The following NTAQ1 variants were observed in gnomAD, a reference collection of about 807,000 sequenced individuals.
The protein encoded by NTAQ1 is protein N-terminal glutamine amidohydrolase.
A neutral mutation model predicts 28.2 loss-of-function variants in NTAQ1; 21 were observed. The observed-to-expected ratio is 0.74, with a 90% CI of 0.53 to 1.07. The LOEUF (loss-of-function observed/expected upper bound fraction) is 1.07, where lower values mean the gene tolerates loss of function less well. Ranked by LOEUF, NTAQ1 falls within the 50% of genes least tolerant of loss-of-function variation. NTAQ1 has a pLI of 0.00. For synonymous variants in NTAQ1, 105 were observed against 90.0 expected (o/e 1.17, Z -0.94); for missense variants, 264 against 256.6 (o/e 1.03, Z -0.20).
intron 3 of NTAQ1, among the ~76,000 whole-genome samples, chr8:123,432,591 T>A (rs1184159456): frequency 2.7e-5 from 4 of 150,642 alleles, no homozygotes; most frequent in Non-Finnish European, 5.9e-5. Flanking sequence ...GCCGAGATCA[T>A]ACCACTGTAC....
intron 3 of NTAQ1, among the ~76,000 whole-genome samples, chr8:123,434,482 C>T (rs1814582838): frequency 6.6e-6 from 1 of 152,008 alleles, no homozygotes; most frequent in South Asian, 2.1e-4. Context: ...CAAAAATTAG[C>T]TGGGTGTGGT....
At chr8:123,449,783 C>T (rs991845306), downstream of NTAQ1, among the ~76,000 whole-genome samples, 27 of 148,934 alleles carry the variant, frequency 1.8e-4, no homozygotes, top group African/African-American at 5.0e-4. Context: ...GTGTGGTAGG[C>T]GGAGGTTGTA....
intron 3 of NTAQ1, among the ~76,000 whole-genome samples, chr8:123,430,236 AATT>A (rs1347554705): frequency 7.9e-5 from 12 of 152,314 alleles, no homozygotes; most frequent in Admixed American, 2.0e-4. Flanking sequence ...TTTGTTTTGA[AATT>A]ATTATAGGAA....
intron 1 of NTAQ1, among the ~76,000 whole-genome samples, chr8:123,418,165 A>G (rs949955120): frequency 1.3e-5 from 2 of 152,288 alleles, no homozygotes; most frequent in Non-Finnish European, 2.9e-5. Flanking sequence ...AGAAAAGCAG[A>G]TAAGGCCCGG....
intron 3 of NTAQ1, among the ~76,000 whole-genome samples, chr8:123,433,897 T>C (rs1055759297): frequency 8.0e-5 from 12 of 149,648 alleles, no homozygotes; most frequent in Non-Finnish European, 1.8e-4. Context: ...TTGTAAACTT[T>C]CTTAAAACAT....
At chr8:123,431,477 G>A (rs768015222) in intron 3 of NTAQ1, among the ~76,000 whole-genome samples, 10 of 152,074 alleles carry the variant, frequency 6.6e-5, no homozygotes, top group Non-Finnish European at 1.2e-4. Context: ...GATTGGCTTC[G>A]CTCATTTATT....
At chr8:123,438,171 G>T (rs775558531) in intron 5 of NTAQ1, 92 of 702,048 alleles carry the variant, frequency 1.3e-4, no homozygotes, top group Admixed American at 3.0e-4. Context: ...CATTTAAGAA[G>T]ATAAAGGGTC....
At chr8:123,421,339 C>A (rs7000446) in intron 1 of NTAQ1, among the ~76,000 whole-genome samples, 54,498 of 151,910 alleles carry the variant, frequency 0.36, 9,905 homozygotes, top group East Asian at 0.56. Flanking sequence ...CTTGGCCTCC[C>A]GAACTGTTGG....
At position 123,465,574 on chromosome 8, in the gene NTAQ1, C is replaced by CTTTTTTTTT. The variant is rs71310691; in HGVS notation, c.373-1488_373-1480dup. Among the ~76,000 whole-genome samples, 31 of 78,576 alleles carry CTTTTTTTTT rather than the reference C, an allele frequency of 3.9e-4. 1 individual carries two copies. The highest frequency in any genetic ancestry group is 4.5e-4 in the Admixed American group (2 of 4,460). The allele number at this position is 78,576 out of a possible 152,430, so 51.5% of individuals were successfully genotyped here. A position where few individuals can be genotyped will look rare whatever the true frequency, so the allele number is the denominator to read the frequency against. On this transcript the variant is annotated intron_variant, in intron 6 of 6. Coordinates refer to the NTAQ1 transcript ENST00000650311. ...TTGCTTTTTTCACTCAGCATAACAT[C>CTTTTTTTTT]TTTTTTTTTTTTTTTTTTTTTTTTT...
intron 1 of NTAQ1, among the ~76,000 whole-genome samples, chr8:123,426,466 TCAAGAC>T (rs1293525389): frequency 6.6e-6 from 1 of 152,180 alleles, no homozygotes; most frequent in East Asian, 1.9e-4. Flanking sequence ...GCTCAGCAGT[TCAAGAC>T]CAGCCTGAGC....
downstream of NTAQ1, among the ~76,000 whole-genome samples, chr8:123,451,593 C>T (rs1391020076): frequency 6.6e-6 from 1 of 152,206 alleles, no homozygotes; most frequent in African/African-American, 2.4e-5. Context: ...CCCACTTCAG[C>T]CTCCCAAAAT....
At chr8:123,418,427 A>G (rs1813443256) in intron 1 of NTAQ1, among the ~76,000 whole-genome samples, 2 of 151,040 alleles carry the variant, frequency 1.3e-5, no homozygotes, top group Admixed American at 6.6e-5. Context: ...CTGCCTGGGC[A>G]ACAGAGCAAG....
downstream of NTAQ1, among the ~76,000 whole-genome samples, chr8:123,452,139 T>C (rs1174107755): frequency 6.6e-6 from 1 of 152,214 alleles, no homozygotes; most frequent in African/African-American, 2.4e-5. Context: ...GTGTCTGATA[T>C]TGAGAGCAGG....
chr8:123,423,914 C>G (rs1213010791), intron 1 of NTAQ1, among the ~76,000 whole-genome samples: 2 of 151,484 alleles, frequency 1.3e-5, no homozygotes, highest in Non-Finnish European at 2.9e-5. Flanking sequence ...TGGAGTCTTG[C>G]TCTGTCACCC....
intron 3 of NTAQ1, among the ~76,000 whole-genome samples, chr8:123,433,468 G>C (rs1814515473): frequency 6.6e-6 from 1 of 151,974 alleles, no homozygotes; most frequent in Admixed American, 6.6e-5. Context: ...TTGTTTTTGA[G>C]ACAGATTCTT....
At chr8:123,459,245 C>CAA (rs570910796) in intron 6 of NTAQ1, among the ~76,000 whole-genome samples, 1 of 133,776 alleles carries the variant, frequency 7.5e-6, no homozygotes, top group African/African-American at 2.8e-5. Flanking sequence ...GATCCTGTCT[C>CAA]AAAAAAAAAA....
At chr8:123,445,691 C>T (rs1010349632), downstream of NTAQ1, among the ~76,000 whole-genome samples, 12 of 152,066 alleles carry the variant, frequency 7.9e-5, no homozygotes, top group African/African-American at 1.4e-4. Flanking sequence ...TTGTAGCCTC[C>T]GCCTCCCGGG....
At chr8:123,474,474 T>C (rs188865716), downstream of NTAQ1, among the ~76,000 whole-genome samples, 13 of 152,336 alleles carry the variant, frequency 8.5e-5, no homozygotes, top group Non-Finnish European at 1.5e-5. Flanking sequence ...TATCCAGAAG[T>C]ACACAATGCT....
chr8:123,424,072 GTT>G (rs35733686), intron 1 of NTAQ1, among the ~76,000 whole-genome samples: 21 of 85,832 alleles, frequency 2.4e-4, no homozygotes, highest in East Asian at 3.6e-4. Flanking sequence ...ATTTTTATGC[GTT>G]TTTTTTTTTT....
Sources: gnomAD v4.1 joint callset for allele counts (sites outside exome capture counted in the v4.1 genomes callset) on GRCh38, gnomAD v4.1.1 for gene constraint, MANE v1.5 for transcripts, NCBI Gene and HGNC (gene_info 2026-07-23, HGNC 2026-07-21) for gene names.